NME9: variants seen among roughly 807,000 people sequenced by gnomAD.
NME9 encodes thioredoxin domain-containing protein 6.
NME9 carries 48 observed loss-of-function variants against 44.4 expected under a neutral mutation model. The observed-to-expected ratio is 1.08, with a 90% CI of 0.86 to 1.37. The LOEUF (loss-of-function observed/expected upper bound fraction) is 1.37, where lower values mean the gene tolerates loss of function less well. NME9 is among the 40% of genes most tolerant of loss of function. The pLI, the probability that NME9 is intolerant of heterozygous loss-of-function variation, is 0.00. For synonymous variants in NME9, 139 were observed against 147.1 expected, an observed-to-expected ratio of 0.94 and a Z score of 0.40; for missense variants, 325 against 405.2, an observed-to-expected ratio of 0.80 and a Z score of 1.70.
At chr3:138,321,997 G>A (rs1397863856) in intron 2 of NME9, among the ~76,000 whole-genome samples, 1 of 151,784 alleles carries the variant, frequency 6.6e-6, no homozygotes, top group African/African-American at 2.4e-5. Flanking sequence ...GTGGGATTTG[G>A]GTTCCACAGC....
chr3:138,309,071 A>G (rs2052502460), intron 6 of NME9, among the ~76,000 whole-genome samples: 1 of 151,932 alleles, frequency 6.6e-6, no homozygotes, highest in African/African-American at 2.4e-5. Context: ...TGGGCAGATC[A>G]CCTGACATCA....
intron 8 of NME9, among the ~76,000 whole-genome samples, chr3:138,277,750 T>C (rs750091208): frequency 7.2e-5 from 11 of 152,198 alleles, no homozygotes; most frequent in Non-Finnish European, 1.3e-4. Context: ...GTTGTACATA[T>C]ACGTGCCATA....
At chr3:138,286,325 T>C (rs1234790287) in intron 8 of NME9, among the ~76,000 whole-genome samples, 4 of 152,170 alleles carry the variant, frequency 2.6e-5, no homozygotes, top group African/African-American at 7.2e-5. Flanking sequence ...TAACCTCCTC[T>C]GTTTCACCTC....
At chr3:138,309,550 T>C (rs879402254) in intron 6 of NME9, among the ~76,000 whole-genome samples, 2 of 151,832 alleles carry the variant, frequency 1.3e-5, no homozygotes, top group East Asian at 3.9e-4. Context: ...TTGGGCATGG[T>C]GGCACACGCC....
intron 8 of NME9, among the ~76,000 whole-genome samples, chr3:138,285,103 C>CA (rs1480961540): frequency 6.6e-6 from 1 of 152,230 alleles, no homozygotes; most frequent in Non-Finnish European, 1.5e-5. Context: ...CCTGCCATGT[C>CA]AGAGTTAACA....
intron 8 of NME9, among the ~76,000 whole-genome samples, chr3:138,289,851 A>T (rs1015960040): frequency 6.6e-6 from 1 of 152,124 alleles, no homozygotes; most frequent in Non-Finnish European, 1.5e-5. Flanking sequence ...TGATTCACTG[A>T]GTCTAGAGAG....
At chr3:138,295,474 T>G (rs2051398008) in intron 8 of NME9, among the ~76,000 whole-genome samples, 2 of 152,236 alleles carry the variant, frequency 1.3e-5, no homozygotes, top group Admixed American at 1.3e-4. Flanking sequence ...CTCCCTAGTG[T>G]TGTGCCTCAC....
chr3:138,324,961 A>T, intron 1 of NME9, 31 bp from the exon 2 acceptor site: 2 of 1,580,988 alleles, frequency 1.3e-6, no homozygotes, highest in Non-Finnish European at 1.7e-6. Flanking sequence ...ATGCCGTATT[A>T]CTGAGGGCTC....
intron 8 of NME9, among the ~76,000 whole-genome samples, chr3:138,266,632 G>C (rs1190628349): frequency 6.6e-6 from 1 of 152,102 alleles, no homozygotes; most frequent in Non-Finnish European, 1.5e-5. Flanking sequence ...CTAGTTAGTG[G>C]AAGTGTCCAG....
At chr3:138,263,715 T>C (rs765155833) in intron 8 of NME9, 3 of 1,583,850 alleles carry the variant, frequency 1.9e-6, no homozygotes, top group Non-Finnish European at 2.6e-6. Flanking sequence ...TTGTTATTTA[T>C]GCAGCATTAA....
At chr3:138,262,615 T>A in intron 8 of NME9, 4 of 1,523,340 alleles carry the variant, frequency 2.6e-6, no homozygotes, top group South Asian at 2.4e-5. Context: ...AAAAAAAAAT[T>A]TAGGTGCCTA....
At chr3:138,278,536 AAAATT>A (rs1161899665) in intron 8 of NME9, among the ~76,000 whole-genome samples, 4 of 152,298 alleles carry the variant, frequency 2.6e-5, no homozygotes, top group Non-Finnish European at 5.9e-5. Context: ...TTTGGTAAAT[AAAATT>A]ACTACCAAAA....
chr3:138,271,829 T>A (rs1344109845), intron 8 of NME9, among the ~76,000 whole-genome samples: 3 of 150,184 alleles, frequency 2.0e-5, no homozygotes, highest in Non-Finnish European at 4.4e-5. Context: ...AGAGTCTCGC[T>A]TAGTTGCCCA....
At chr3:138,262,507 T>G in exon 9 of NME9, 1 of 1,603,734 alleles carries the variant, frequency 6.2e-7, no homozygotes, top group Non-Finnish European at 8.5e-7. Flanking sequence ...CACTCTCTCA[T>G]GTTCTAAGGT....
At chr3:138,283,591 A>C (rs529714192) in intron 8 of NME9, among the ~76,000 whole-genome samples, 2 of 152,154 alleles carry the variant, frequency 1.3e-5, no homozygotes, top group African/African-American at 4.8e-5. Context: ...CATAATAGTT[A>C]CTTAGTAAAT....
At chr3:138,309,146 A>G (rs1291033439) in intron 6 of NME9, among the ~76,000 whole-genome samples, 1 of 151,406 alleles carries the variant, frequency 6.6e-6, no homozygotes, top group African/African-American at 2.4e-5. Flanking sequence ...CAAAAAAAAA[A>G]TTAGCTAGGT....
chr3:138,286,674 T>A (rs1017480607), intron 8 of NME9, among the ~76,000 whole-genome samples: 1 of 152,190 alleles, frequency 6.6e-6, no homozygotes, highest in African/African-American at 2.4e-5. Flanking sequence ...GGTTATAGCC[T>A]GGGCATCAGG....
At position 138,306,010 on chromosome 3, in the gene NME9, A is replaced by G. The variant is rs747467418; in HGVS notation, c.630T>C (p.Ala210=). ...AEVRLFYQHK[A]GEEAFEKLVH... Reference sequence around the variant, plus strand: ...TGGAAGTAGATGAGCTGACCTCTCCAGCTTTGTGTTGGTAGAAAAGTCGCA... The same window carrying G: ...TGGAAGTAGATGAGCTGACCTCTCCGGCTTTGTGTTGGTAGAAAAGTCGCA... Residue 210 remains alanine (A), a synonymous_variant, in exon 8 of 11, where the codon GCT becomes GCC. Transcript: ENST00000333911. The G allele has an allele frequency of 6.3e-5, 102 of 1,608,636 alleles. No homozygotes were observed. Among genetic ancestry groups the G allele is most frequent in the Non-Finnish European group, 7.8e-5 (92 of 1,175,080 alleles).
At chr3:138,304,752 AGCCTG>A in intron 9 of NME9, 116 bp downstream of exon 9, 1 of 962,216 alleles carries the variant, frequency 1.0e-6, no homozygotes, top group Non-Finnish European at 1.6e-6. Flanking sequence ...TATAATAGAG[AGCCTG>A]GCCATCAGAG....
Sources: allele counts gnomAD v4.1 joint callset (sites outside exome capture counted in the v4.1 genomes callset), GRCh38; gene constraint gnomAD v4.1.1; transcripts MANE v1.5; gene names NCBI Gene and HGNC (gene_info 2026-07-23, HGNC 2026-07-21).